The following CTIF variants were observed in gnomAD, a reference collection of about 807,000 sequenced individuals.
CTIF encodes CBP80/20-dependent translation initiation factor.
CTIF carries 21 observed loss-of-function variants against 66.0 expected under a neutral mutation model. That is an observed-to-expected ratio of 0.32 (90% CI 0.23 to 0.46). The LOEUF (loss-of-function observed/expected upper bound fraction) is 0.46, where lower values mean the gene tolerates loss of function less well. Among genes scored for constraint, CTIF ranks in the 20% least tolerant of loss-of-function variants. The pLI is 1.00. For missense variants in CTIF, 739 were observed against 812.7 expected (o/e 0.91, Z 1.10); for synonymous variants, 345 against 326.4 (o/e 1.06, Z -0.62).
chr18:48,593,693 T>C (rs971596595), intron 1 of CTIF, among the ~76,000 whole-genome samples: 5 of 151,986 alleles, frequency 3.3e-5, no homozygotes, highest in Admixed American at 1.3e-4. Flanking sequence ...ATTCGAATTC[T>C]TTTGTATTTT....
At chr18:48,690,718 C>G (rs1179103064) in intron 6 of CTIF, among the ~76,000 whole-genome samples, 1 of 151,850 alleles carries the variant, frequency 6.6e-6, no homozygotes, top group Non-Finnish European at 1.5e-5. Flanking sequence ...CTCCCAGAGC[C>G]GGAACACAGG....
intron 1 of CTIF, among the ~76,000 whole-genome samples, chr18:48,605,613 C>T (rs1598729640): frequency 1.3e-5 from 2 of 152,368 alleles, no homozygotes; most frequent in African/African-American, 4.8e-5. Context: ...CTCTGATGGA[C>T]TAATTAGAAC....
At chr18:48,807,710 G>T (rs1375812747) in intron 9 of CTIF, among the ~76,000 whole-genome samples, 5 of 151,834 alleles carry the variant, frequency 3.3e-5, no homozygotes, top group Middle Eastern at 3.4e-3. Context: ...CTCCTGAGTA[G>T]CTGGGATTAT....
intron 7 of CTIF, among the ~76,000 whole-genome samples, chr18:48,727,691 G>A (rs1473361311): frequency 6.6e-6 from 1 of 152,190 alleles, no homozygotes; most frequent in African/African-American, 2.4e-5. Context: ...TAGAAGCTCT[G>A]TTGTTTGACT....
chr18:48,785,894 A>G (rs1911662423), intron 9 of CTIF, among the ~76,000 whole-genome samples: 1 of 152,172 alleles, frequency 6.6e-6, no homozygotes, highest in African/African-American at 2.4e-5. Context: ...AGTGAGCCCA[A>G]CATGCAGCCA....
intron 6 of CTIF, among the ~76,000 whole-genome samples, chr18:48,689,429 G>A (rs1354346496): frequency 6.6e-6 from 1 of 152,218 alleles, no homozygotes; most frequent in Admixed American, 6.5e-5. Flanking sequence ...GCTGCAGCTT[G>A]AATTGAAGGC....
chr18:48,803,930 A>T (rs1290265073), intron 9 of CTIF, among the ~76,000 whole-genome samples: 1 of 152,166 alleles, frequency 6.6e-6, no homozygotes, highest in Non-Finnish European at 1.5e-5. Context: ...GAGAGAGGGG[A>T]GAGAAGGGAG....
At chr18:48,539,370 G>C (rs1005620148) in intron 1 of CTIF, 58 bp downstream of exon 1, 1 of 152,082 alleles carries the variant, frequency 6.6e-6, no homozygotes, top group Non-Finnish European at 1.5e-5. Flanking sequence ...TGATCGATTC[G>C]GGGACCCGGG....
chr18:48,832,085 A>C (rs1459872097), intron 10 of CTIF, among the ~76,000 whole-genome samples: 1 of 152,070 alleles, frequency 6.6e-6, no homozygotes, highest in Non-Finnish European at 1.5e-5. Context: ...GGCACCATGA[A>C]TACTAAAACC....
At chr18:48,589,934 G>A (rs1190743336) in intron 1 of CTIF, among the ~76,000 whole-genome samples, 13 of 152,204 alleles carry the variant, frequency 8.5e-5, no homozygotes, top group Admixed American at 2.0e-4. Context: ...GCTCTGGGAC[G>A]TGCGGTCATG....
intron 10 of CTIF, among the ~76,000 whole-genome samples, chr18:48,852,233 T>TA (rs10591389): frequency 0.043 from 2,832 of 66,518 alleles, 166 homozygotes; most frequent in Admixed American, 0.067. Context: ...GACCCTGTCT[T>TA]AAAAAAAAAA....
At chr18:48,831,643 C>T (rs2146452897) in intron 10 of CTIF, among the ~76,000 whole-genome samples, 1 of 152,234 alleles carries the variant, frequency 6.6e-6, no homozygotes, top group Non-Finnish European at 1.5e-5. Flanking sequence ...TATGGAGCAA[C>T]ATGGCCAGTA....
intron 6 of CTIF, among the ~76,000 whole-genome samples, chr18:48,699,041 G>A (rs2092046629): frequency 6.6e-6 from 1 of 152,158 alleles, no homozygotes; most frequent in Non-Finnish European, 1.5e-5. Context: ...AGGCTGAGCT[G>A]CCCCTGCTGG....
intron 1 of CTIF, among the ~76,000 whole-genome samples, chr18:48,548,921 G>A (rs1291006915): frequency 6.6e-6 from 1 of 152,186 alleles, no homozygotes; most frequent in African/African-American, 2.4e-5. Context: ...CTAGTGTAAG[G>A]TGGTAAGTAT....
At chr18:48,555,818 A>ATG (rs986199772) in intron 1 of CTIF, among the ~76,000 whole-genome samples, 6 of 152,134 alleles carry the variant, frequency 3.9e-5, no homozygotes, top group South Asian at 2.1e-4. Flanking sequence ...GTCTCTTGGT[A>ATG]TGTGTGTGTG....
chr18:48,677,664 C>G (rs2091654295), intron 6 of CTIF, among the ~76,000 whole-genome samples: 1 of 152,294 alleles, frequency 6.6e-6, no homozygotes, highest in South Asian at 2.1e-4. Context: ...CATATGCCTC[C>G]TCATCACTCA....
chr18:48,540,811 C>A (rs867992503), intron 1 of CTIF, among the ~76,000 whole-genome samples: 29 of 152,180 alleles, frequency 1.9e-4, no homozygotes, highest in Middle Eastern at 3.4e-3. Flanking sequence ...GTCCCGCCAG[C>A]CCCCTCCTTG....
intron 9 of CTIF, among the ~76,000 whole-genome samples, chr18:48,792,539 A>G (rs770636963): frequency 5.3e-5 from 8 of 152,214 alleles, no homozygotes; most frequent in African/African-American, 1.4e-4. Context: ...CAATGAGCAT[A>G]AAAGCAATGG....
intron 1 of CTIF, among the ~76,000 whole-genome samples, chr18:48,582,785 G>A (rs187805839): frequency 1.7e-4 from 26 of 152,230 alleles, no homozygotes; most frequent in Middle Eastern, 6.8e-3. Context: ...ACCCTGTGGG[G>A]TTGGCCGGTC....
Sources: gnomAD v4.1 joint callset for allele counts (sites outside exome capture counted in the v4.1 genomes callset) on GRCh38, gnomAD v4.1.1 for gene constraint, MANE v1.5 for transcripts, NCBI Gene and HGNC (gene_info 2026-07-23, HGNC 2026-07-21) for gene names.